The following CELF2 variants were observed in gnomAD, a reference collection of about 807,000 sequenced individuals.
The protein encoded by CELF2 is CUGBP Elav-like family member 2, also known as CUG triplet repeat RNA-binding protein 2.
Under a neutral mutation model 62.6 loss-of-function variants are expected in CELF2, and 8 were observed. The observed-to-expected ratio is 0.13, with a 90% confidence interval of 0.07 to 0.23. The LOEUF (loss-of-function observed/expected upper bound fraction) is 0.23. CELF2 is among the 10% of genes least tolerant of loss of function. CELF2 has a pLI of 1.00. For missense variants in CELF2, 333 were observed against 671.0 expected (o/e 0.50, Z 5.56); for synonymous variants, 258 against 250.0 (o/e 1.03, Z -0.30).
chr10:11,031,575 T>A (rs1012708525), intron 1 of CELF2, among the ~76,000 whole-genome samples: 1 of 152,212 alleles, frequency 6.6e-6, no homozygotes, highest in African/African-American at 2.4e-5. Flanking sequence ...TCGAAATGCC[T>A]TTACTCTTGG....
intron 1 of CELF2, among the ~76,000 whole-genome samples, chr10:11,115,235 C>A (rs1460427770): frequency 1.3e-5 from 2 of 152,204 alleles, no homozygotes; most frequent in African/African-American, 4.8e-5. Flanking sequence ...AACACTGATT[C>A]AAATGTAGTC....
chr10:10,520,784 T>A, the CELF2 span, among the ~76,000 whole-genome samples: 1 of 152,160 alleles, frequency 6.6e-6, no homozygotes, highest in East Asian at 1.9e-4. Context: ...AGCAGATGCA[T>A]CAGAAGGCTT....
intron 1 of CELF2, among the ~76,000 whole-genome samples, chr10:10,899,855 G>T (rs2062815328): frequency 6.6e-6 from 1 of 152,120 alleles, no homozygotes; most frequent in South Asian, 2.1e-4. Context: ...GCACTAAAGG[G>T]AAATCTGCCC....
the CELF2 span, among the ~76,000 whole-genome samples, chr10:10,574,671 T>TGTA: frequency 6.6e-6 from 1 of 151,974 alleles, no homozygotes. Flanking sequence ...ACCCAAACAT[T>TGTA]GTAGCTGGCA....
chr10:10,794,351 G>C (rs2296018), upstream of CELF2, among the ~76,000 whole-genome samples: 38,203 of 151,756 alleles, frequency 0.25, 5,257 homozygotes, highest in East Asian at 0.52. Flanking sequence ...GCAAAAATAA[G>C]AAGAGAAAAA....
chr10:11,116,606 A>T (rs186962993), intron 1 of CELF2, among the ~76,000 whole-genome samples: 33 of 152,268 alleles, frequency 2.2e-4, no homozygotes, highest in Admixed American at 2.1e-3. Flanking sequence ...AGCTGTGGAG[A>T]GAAGAGTGCC....
chr10:10,505,344 C>T, the CELF2 span, among the ~76,000 whole-genome samples: 1 of 152,098 alleles, frequency 6.6e-6, no homozygotes, highest in Non-Finnish European at 1.5e-5. Flanking sequence ...ATGCTTTCTG[C>T]ATCCTCAGGT....
the CELF2 span, among the ~76,000 whole-genome samples, chr10:10,691,078 C>T: frequency 1.3e-5 from 2 of 152,116 alleles, no homozygotes; most frequent in Admixed American, 1.3e-4. Context: ...CATATGTATA[C>T]ATATGCCATG....
chr10:10,611,424 C>T, the CELF2 span, among the ~76,000 whole-genome samples: 1 of 152,122 alleles, frequency 6.6e-6, no homozygotes, highest in Non-Finnish European at 1.5e-5. Context: ...GATAAATTTA[C>T]CTTGGCAAAG....
chr10:10,809,685 C>A (rs1033921537), intron 1 of CELF2, among the ~76,000 whole-genome samples: 1 of 152,132 alleles, frequency 6.6e-6, no homozygotes, highest in Admixed American at 6.5e-5. Context: ...TAGCAGACTT[C>A]TAAGTTTGCA....
At chr10:10,921,160 G>T (rs940794979) in intron 2 of CELF2, among the ~76,000 whole-genome samples, 1 of 152,046 alleles carries the variant, frequency 6.6e-6, no homozygotes, top group African/African-American at 2.4e-5. Context: ...TTGCCATGTT[G>T]GCCAGGCTGG....
the CELF2 span, among the ~76,000 whole-genome samples, chr10:10,595,514 CA>C: frequency 2.6e-5 from 4 of 152,150 alleles, no homozygotes; most frequent in African/African-American, 9.7e-5. Context: ...CCTGCTGAAA[CA>C]AGGATGGGGT....
At chr10:10,559,437 T>C in the CELF2 span, among the ~76,000 whole-genome samples, 1 of 152,226 alleles carries the variant, frequency 6.6e-6, no homozygotes, top group Non-Finnish European at 1.5e-5. Flanking sequence ...GGATAATCGA[T>C]GTAAAGTGCC....
intron 1 of CELF2, among the ~76,000 whole-genome samples, chr10:11,118,705 AG>A (rs1383603809): frequency 6.6e-6 from 1 of 152,200 alleles, no homozygotes; most frequent in African/African-American, 2.4e-5. Flanking sequence ...TATGTTGAAG[AG>A]AAATGTTAAA....
chr10:10,756,729 G>A, the CELF2 span, among the ~76,000 whole-genome samples: 1 of 151,888 alleles, frequency 6.6e-6, no homozygotes, highest in Non-Finnish European at 1.5e-5. Context: ...CCATTCATTT[G>A]TGATCAGTAA....
intron 1 of CELF2, among the ~76,000 whole-genome samples, chr10:10,801,287 T>C (rs1319093271): frequency 6.6e-6 from 1 of 152,242 alleles, no homozygotes; most frequent in Non-Finnish European, 1.5e-5. Context: ...TTTTTAACTG[T>C]GTGTAATCCT....
At chr10:11,301,652 C>T (rs1217313555) in intron 9 of CELF2, among the ~76,000 whole-genome samples, 3 of 149,804 alleles carry the variant, frequency 2.0e-5, no homozygotes, top group African/African-American at 7.4e-5. Flanking sequence ...TGAGCGTGGC[C>T]CTCGGCAGCC....
In CELF2 at chr10:11,159,987, G is replaced by A. The variant is rs2065327401; in HGVS notation, c.75-5499G>A. Reference sequence around the variant, plus strand: ...CAATTAACCGGCCACTCAGCGGCCTGTCGGAGCCTCCAGGCTACTCTCCAT... The same window carrying A: ...CAATTAACCGGCCACTCAGCGGCCTATCGGAGCCTCCAGGCTACTCTCCAT... On this transcript the variant is annotated intron_variant, in intron 1 of 12. Transcript: ENST00000633077. This position sits in a 1 kb window ranked among gnomAD's most constrained non-coding sequence, Gnocchi z 5.0. 6.6e-6 allele frequency among the ~76,000 whole-genome samples: 1 copy of A among 152,210 alleles called. No individual in the cohort carries two copies. Among genetic ancestry groups the A allele is most frequent in the African/African-American group, 2.4e-5 (1 of 41,440 alleles).
At chr10:10,552,698 C>T in the CELF2 span, among the ~76,000 whole-genome samples, 1 of 152,152 alleles carries the variant, frequency 6.6e-6, no homozygotes, top group Non-Finnish European at 1.5e-5. Context: ...GGTCAGAGAT[C>T]AGAGAGATCC....
Sources: gnomAD v4.1 joint callset for allele counts (sites outside exome capture counted in the v4.1 genomes callset) on GRCh38, gnomAD v4.1.1 for gene constraint, Gnocchi (gnomAD v3.1) non-coding constraint, MANE v1.5 for transcripts, NCBI Gene and HGNC (gene_info 2026-07-23, HGNC 2026-07-21) for gene names.